Variants in SEMA3D observed in about 807,000 individuals in gnomAD.
The protein encoded by SEMA3D is semaphorin-3D.
A neutral mutation model predicts 100.1 loss-of-function variants in SEMA3D; 84 were observed. That is an observed-to-expected ratio of 0.84 (90% CI 0.70 to 1.01). The LOEUF (loss-of-function observed/expected upper bound fraction) is 1.01, where lower values mean the gene tolerates loss of function less well. Among genes scored for constraint, SEMA3D ranks in the 50% least tolerant of loss-of-function variants. SEMA3D has a pLI of 0.00. For synonymous variants in SEMA3D, 312 were observed against 320.7 expected, an observed-to-expected ratio of 0.97 and a Z score of 0.29; for missense variants, 875 against 934.1, an observed-to-expected ratio of 0.94 and a Z score of 0.82.
At chr7:85,145,473 T>C (rs886777836) in intron 2 of SEMA3D, among the ~76,000 whole-genome samples, 12 of 152,056 alleles carry the variant, frequency 7.9e-5, no homozygotes, top group African/African-American at 2.9e-4. Flanking sequence ...ATATAATAAA[T>C]GGGGAAATGC....
intron 9 of SEMA3D, chr7:85,050,862 G>A (rs1044967887): frequency 2.2e-5 from 9 of 400,284 alleles, no homozygotes; most frequent in East Asian, 7.4e-5. Context: ...CAAAATACAC[G>A]CACCACTACC....
Position 85,040,728 on chromosome 7 carries a change from G to A in SEMA3D, c.991C>T (p.Leu331Phe). 2.1e-6 allele frequency: 3 copies of A among 1,401,354 alleles called. No homozygotes were observed. Among genetic ancestry groups the A allele is most frequent in the Non-Finnish European group, 3.0e-6 (3 of 989,790 alleles). 86.8% of individuals were successfully genotyped at this position (1,401,354 alleles called of 1,614,324 possible). ...YFDELQDIYL[L>F]PTRDERNPVV... ...GGATTTCTTTCATCTCTTGTGGGGA[G>A]TAAATAAATATCTTCTATTAAAGGG... is the stretch of plus-strand genomic sequence containing the variant. Residue 331 changes from leucine (L) to phenylalanine (F), a missense_variant, in exon 11 of 19, where the codon CTC becomes TTC. Coordinates refer to ENST00000284136, the MANE Select transcript of SEMA3D (RefSeq NM_001384900.1).
intron 1 of SEMA3D, among the ~76,000 whole-genome samples, chr7:85,184,840 C>T (rs1250187835): frequency 2.0e-5 from 3 of 152,214 alleles, no homozygotes; most frequent in East Asian, 1.9e-4. Flanking sequence ...TCAGCGATGG[C>T]ACCCCTGACC....
intron 2 of SEMA3D, among the ~76,000 whole-genome samples, chr7:85,123,654 T>C (rs1789491049): frequency 6.6e-6 from 1 of 152,064 alleles, no homozygotes; most frequent in African/African-American, 2.4e-5. Flanking sequence ...TATGCTGCAT[T>C]TCTTCATGAA....
At chr7:85,154,193 A>G (rs1790515388) in intron 1 of SEMA3D, among the ~76,000 whole-genome samples, 1 of 151,936 alleles carries the variant, frequency 6.6e-6, no homozygotes, top group Non-Finnish European at 1.5e-5. Context: ...TGTGCCTGCT[A>G]AACTAAGGAA....
intron 1 of SEMA3D, among the ~76,000 whole-genome samples, chr7:85,163,919 A>C (rs1790818200): frequency 6.6e-6 from 1 of 152,194 alleles, no homozygotes. Flanking sequence ...TAACAAGAAA[A>C]GCTTCAATTT....
chr7:85,165,876 C>CCT (rs1366537584), intron 1 of SEMA3D, among the ~76,000 whole-genome samples: 6 of 151,968 alleles, frequency 3.9e-5, no homozygotes, highest in Non-Finnish European at 8.8e-5. Context: ...CAAAGGTCAG[C>CCT]CTTTTACAGA....
rs375998523 is a variant in SEMA3D, at chr7:85,068,145, C to T, written c.589+46G>A. The T allele has an allele frequency of 2.0e-3, 2,213 of 1,127,504 alleles. 9 individuals carry two copies. Among genetic ancestry groups the T allele is most frequent in the Non-Finnish European group, 2.8e-3 (2,057 of 745,812 alleles). 69.8% of individuals were successfully genotyped at this position (1,127,504 alleles called of 1,614,324 possible). A position where few individuals can be genotyped will look rare whatever the true frequency, so the allele number is the denominator to read the frequency against. On this transcript the variant is annotated intron_variant, in intron 7 of 18. Coordinates refer to ENST00000284136, the MANE Select transcript of SEMA3D (RefSeq NM_001384900.1). Reference sequence around the variant, plus strand: ...AATGCGGTTCAGTCAAAAAATAACTCTTAGAAAACCATTTAAGGATAAGAA... The same window carrying T: ...AATGCGGTTCAGTCAAAAAATAACTTTTAGAAAACCATTTAAGGATAAGAA...
At chr7:85,174,017 C>T (rs77610607) in intron 1 of SEMA3D, among the ~76,000 whole-genome samples, 420 of 152,176 alleles carry the variant, frequency 2.8e-3, no homozygotes, top group African/African-American at 8.5e-3. Flanking sequence ...TCTCAGGTGT[C>T]GAGCCAGGGC....
chr7:85,042,337 C>T (rs1296430838), intron 9 of SEMA3D, 52 bp from the exon 10 acceptor site: 1 of 1,260,948 alleles, frequency 7.9e-7, no homozygotes, highest in South Asian at 1.2e-5. Flanking sequence ...AATTCTACCA[C>T]TCACTAAAAC....
chr7:85,066,913 C>CACACACACACAGAGAGAGAGAGAGAG, intron 7 of SEMA3D, among the ~76,000 whole-genome samples: 6 of 127,756 alleles, frequency 4.7e-5, no homozygotes, highest in Non-Finnish European at 6.6e-5. Context: ...CACACACACA[C>CACACACACACAGAGAGAGAGAGAGAG]AGAGAGAGAG....
chr7:85,092,460 T>G (rs1168226233), intron 4 of SEMA3D, among the ~76,000 whole-genome samples: 1 of 152,028 alleles, frequency 6.6e-6, no homozygotes, highest in Non-Finnish European at 1.5e-5. Context: ...TGTAGTCACT[T>G]ATAAAGTATC....
At chr7:85,222,629 G>A in the SEMA3D span, among the ~76,000 whole-genome samples, 3 of 152,102 alleles carry the variant, frequency 2.0e-5, no homozygotes, top group Non-Finnish European at 4.4e-5. Context: ...AACTGGTCAA[G>A]GCATAAGCAA....
chr7:85,150,116 A>G (rs532433124), intron 2 of SEMA3D, among the ~76,000 whole-genome samples: 1 of 152,032 alleles, frequency 6.6e-6, no homozygotes, highest in East Asian at 1.9e-4. Context: ...TAAGTAATTC[A>G]TATGTAATTT....
chr7:85,141,998 G>C (rs566245722), intron 2 of SEMA3D: 1 of 977,892 alleles, frequency 1.0e-6, no homozygotes, highest in Non-Finnish European at 1.2e-6. Context: ...AATCTTTAAT[G>C]CATCAAGGTA....
intron 11 of SEMA3D, among the ~76,000 whole-genome samples, chr7:85,039,601 T>C (rs1161838547): frequency 6.6e-6 from 1 of 152,132 alleles, no homozygotes; most frequent in Non-Finnish European, 1.5e-5. Context: ...GTCTCAATGA[T>C]AAGTACAGGA....
intron 5 of SEMA3D, among the ~76,000 whole-genome samples, chr7:85,073,981 C>CT (rs1791849728): frequency 6.6e-6 from 1 of 152,102 alleles, no homozygotes; most frequent in Admixed American, 6.6e-5. Context: ...GTGGCTCTCT[C>CT]TCTTTTTAGA....
At chr7:85,009,170 T>G (rs182660282) in intron 17 of SEMA3D, among the ~76,000 whole-genome samples, 2 of 148,592 alleles carry the variant, frequency 1.3e-5, no homozygotes, top group East Asian at 4.1e-4. Flanking sequence ...AATTGTGGAG[T>G]TTTTTTTTCC....
intron 15 of SEMA3D, among the ~76,000 whole-genome samples, chr7:85,017,548 C>T (rs1327647102): frequency 1.3e-5 from 2 of 151,736 alleles, no homozygotes; most frequent in Non-Finnish European, 2.9e-5. Flanking sequence ...ATTTTAGCAA[C>T]ACCTTGATGT....
Sources: gnomAD v4.1 joint callset for allele counts (sites outside exome capture counted in the v4.1 genomes callset) on GRCh38, gnomAD v4.1.1 for gene constraint, MANE v1.5 for transcripts, NCBI Gene and HGNC (gene_info 2026-07-23, HGNC 2026-07-21) for gene names.